The following PCDH11Y variants were observed in gnomAD, a reference collection of about 807,000 sequenced individuals.
PCDH11Y encodes protocadherin-11 Y-linked.
For missense variants in PCDH11Y, 12 were observed against 224.8 expected, an observed-to-expected ratio of 0.05 and a Z score of 6.05; for synonymous variants, 9 against 83.6, an observed-to-expected ratio of 0.11 and a Z score of 4.87.
At chrY:5,069,402 A>G (rs2052695666) in intron 1 of PCDH11Y, among the ~76,000 whole-genome samples, 1 of 33,491 alleles carries the variant, frequency 3.0e-5, no homozygotes, top group Admixed American at 2.7e-4. Flanking sequence ...ATGTCTTGCC[A>G]AGTTACTAAA....
chrY:5,556,476 G>T, intron 3 of PCDH11Y, among the ~76,000 whole-genome samples: 1 of 33,067 alleles, frequency 3.0e-5, no homozygotes, highest in African/African-American at 1.2e-4. Context: ...TTTTAATGGG[G>T]TTGTTATTAG....
intron 2 of PCDH11Y, among the ~76,000 whole-genome samples, chrY:5,335,260 C>T (rs2053135347): frequency 3.1e-5 from 1 of 32,569 alleles, no homozygotes; most frequent in African/African-American, 1.2e-4. Context: ...ATGGGGGAGG[C>T]GTGTAGCCTT....
intron 2 of PCDH11Y, among the ~76,000 whole-genome samples, chrY:5,287,047 C>T: frequency 3.0e-5 from 1 of 33,202 alleles, no homozygotes; most frequent in Non-Finnish European, 7.4e-5. Context: ...TCATAGATAG[C>T]TCTTACTATT....
chrY:5,353,725 C>A, intron 2 of PCDH11Y, among the ~76,000 whole-genome samples: 2 of 32,591 alleles, frequency 6.1e-5, no homozygotes, highest in Admixed American at 5.7e-4. Context: ...CCAGGCCAGG[C>A]ACGGTGGCTC....
At chrY:5,043,012 T>C in intron 3 of PCDH11Y, among the ~76,000 whole-genome samples, 1 of 32,224 alleles carries the variant, frequency 3.1e-5, no homozygotes, top group East Asian at 8.2e-4. Flanking sequence ...GATTTTGGGC[T>C]GAGACAATGG....
At chrY:5,445,975 A>T (rs2053287493) in intron 2 of PCDH11Y, among the ~76,000 whole-genome samples, 1 of 33,173 alleles carries the variant, frequency 3.0e-5, no homozygotes, top group Non-Finnish European at 7.5e-5. Context: ...ATCACCAGGT[A>T]TTAATATACA....
chrY:5,314,600 C>G, intron 2 of PCDH11Y, among the ~76,000 whole-genome samples: 1 of 27,662 alleles, frequency 3.6e-5, no homozygotes, highest in Admixed American at 3.6e-4. Flanking sequence ...AATGTGGTCC[C>G]ATTTTTCCTC....
chrY:5,273,214 C>T, intron 2 of PCDH11Y, among the ~76,000 whole-genome samples: 1 of 33,820 alleles, frequency 3.0e-5, no homozygotes, highest in Admixed American at 2.7e-4. Context: ...GAAAGTGCTA[C>T]GTGTTAAATG....
intron 3 of PCDH11Y, among the ~76,000 whole-genome samples, chrY:5,570,111 A>C (rs1484674746): frequency 7.5e-4 from 25 of 33,266 alleles, no homozygotes; most frequent in Non-Finnish European, 1.7e-3. Context: ...TGGTTTATTC[A>C]AAAAATCTTT....
At chrY:5,552,828 A>G (rs2053419696) in intron 3 of PCDH11Y, among the ~76,000 whole-genome samples, 2 of 31,337 alleles carry the variant, frequency 6.4e-5, no homozygotes, top group Non-Finnish European at 1.5e-4. Context: ...ATCAACTTCA[A>G]AATTTCAGCT....
At chrY:5,153,315 T>G in intron 2 of PCDH11Y, among the ~76,000 whole-genome samples, 1 of 32,938 alleles carries the variant, frequency 3.0e-5, no homozygotes, top group Non-Finnish European at 7.6e-5. Flanking sequence ...CTCAGAAATT[T>G]GGTGAGTTTT....
intron 2 of PCDH11Y, among the ~76,000 whole-genome samples, chrY:5,133,640 G>A: frequency 3.3e-5 from 1 of 30,007 alleles, no homozygotes; most frequent in African/African-American, 1.3e-4. Context: ...CATTCTTTCT[G>A]ACTATATTTT....
At chrY:5,565,058 G>A in intron 3 of PCDH11Y, among the ~76,000 whole-genome samples, 1 of 32,460 alleles carries the variant, frequency 3.1e-5, no homozygotes, top group African/African-American at 1.2e-4. Context: ...GATTATTTCC[G>A]TTACAGGGTA....
At chrY:5,024,810 T>C in intron 1 of PCDH11Y, among the ~76,000 whole-genome samples, 1 of 32,724 alleles carries the variant, frequency 3.1e-5, no homozygotes, top group Non-Finnish European at 7.6e-5. Context: ...CATTTTTTTT[T>C]CTAAACTCGG....
intron 2 of PCDH11Y, among the ~76,000 whole-genome samples, chrY:5,130,173 G>T (rs2052832040): frequency 6.0e-5 from 2 of 33,275 alleles, no homozygotes; most frequent in Non-Finnish European, 1.5e-4. Context: ...CAGGACATAG[G>T]CATGGGCAAA....
At chrY:5,500,589 T>G in intron 2 of PCDH11Y, among the ~76,000 whole-genome samples, 1 of 33,763 alleles carries the variant, frequency 3.0e-5, no homozygotes, top group Non-Finnish European at 7.3e-5. Context: ...TTTAGTTTTC[T>G]AAGCCTACAT....
At chrY:5,496,187 T>A in intron 2 of PCDH11Y, among the ~76,000 whole-genome samples, 2 of 33,594 alleles carry the variant, frequency 6.0e-5, no homozygotes, top group Non-Finnish European at 1.5e-4. Flanking sequence ...CAGAAATTTG[T>A]CATGAACAAA....
At chrY:5,280,647 C>T in intron 2 of PCDH11Y, among the ~76,000 whole-genome samples, 2 of 32,038 alleles carry the variant, frequency 6.2e-5, no homozygotes, top group Non-Finnish European at 1.5e-4. Flanking sequence ...ATTTCTGTGT[C>T]GAATGGTATT....
chrY:5,261,571 A>G, intron 2 of PCDH11Y, among the ~76,000 whole-genome samples: 1 of 33,571 alleles, frequency 3.0e-5, no homozygotes, highest in Non-Finnish European at 7.4e-5. Context: ...GATTTAGGGT[A>G]TCTGGTAGAA....
Sources: allele counts gnomAD v4.1 joint callset (sites outside exome capture counted in the v4.1 genomes callset), GRCh38; gene constraint gnomAD v4.1.1; transcripts MANE v1.5; gene names NCBI Gene and HGNC (gene_info 2026-07-23, HGNC 2026-07-21).